AFG3L2: variants seen among roughly 807,000 people sequenced by gnomAD.
The protein encoded by AFG3L2 is mitochondrial inner membrane m-AAA protease component AFG3L2.
In AFG3L2, 54 loss-of-function variants were observed where a neutral mutation model predicts 94.5. That is an observed-to-expected ratio of 0.57 (90% CI 0.46 to 0.72). AFG3L2 has a LOEUF of 0.72. Ranked by LOEUF, AFG3L2 falls within the 30% of genes least tolerant of loss-of-function variation. AFG3L2 has a pLI of 0.00. For missense variants in AFG3L2, 754 were observed against 994.9 expected (o/e 0.76, Z 3.26); for synonymous variants, 377 against 365.5 (o/e 1.03, Z -0.36).
intron 10 of AFG3L2, among the ~76,000 whole-genome samples, chr18:12,352,272 G>A (rs543520309): frequency 6.6e-6 from 1 of 152,310 alleles, no homozygotes; most frequent in East Asian, 1.9e-4. Flanking sequence ...CGCAACAGGG[G>A]CTGACCATCG....
At position 12,377,221 on chromosome 18, in the gene AFG3L2, A is replaced by G. The variant is rs542643055; in HGVS notation, c.-139T>C. The G allele has an allele frequency of 2.3e-4, 154 of 675,012 alleles. 2 individuals carry two copies. Among genetic ancestry groups the G allele is most frequent in the Non-Finnish European group, 3.3e-4 (135 of 408,918 alleles). 41.8% of individuals were successfully genotyped at this position (675,012 alleles called of 1,614,324 possible). ...CGCCGGCGGCTCACGGAGGAGCCCA[A>G]GCTCTCAACGCGGCGTCTCCTGCCG... On this transcript the variant is annotated 5_prime_UTR_variant, in exon 1 of 17. Coordinates refer to ENST00000269143, the MANE Select transcript of AFG3L2 (RefSeq NM_006796.3).
At chr18:12,368,401 T>C (rs1178709317) in intron 3 of AFG3L2, among the ~76,000 whole-genome samples, 1 of 152,040 alleles carries the variant, frequency 6.6e-6, no homozygotes, top group Admixed American at 6.6e-5. Context: ...AAGTACTCCC[T>C]TTCCCACTCC....
intron 3 of AFG3L2, among the ~76,000 whole-genome samples, chr18:12,367,819 A>G (rs1031401850): frequency 6.6e-6 from 1 of 152,168 alleles, no homozygotes; most frequent in Non-Finnish European, 1.5e-5. Context: ...CGGGGGGCCA[A>G]AGCAGGAGAA....
rs189191107 is a variant in AFG3L2, at chr18:12,362,113, C to G, written c.627+1669G>C. Among the ~76,000 whole-genome samples, 423 of 152,342 alleles carry G rather than the reference C, an allele frequency of 2.8e-3. 1 individual carries two copies. Among genetic ancestry groups the G allele is most frequent in the African/African-American group, 9.8e-3 (409 of 41,572 alleles). On this transcript the variant is annotated intron_variant, in intron 6 of 16. Transcript: ENST00000269143. ...AATAGCTTTCTAGACAATTTTTATG[C>G]ACACTAAAATTTGAAAACCACGACT... is the stretch of plus-strand genomic sequence containing the variant.
At chr18:12,340,143 C>T in intron 15 of AFG3L2, 58 bp downstream of exon 15, 4 of 1,488,082 alleles carry the variant, frequency 2.7e-6, no homozygotes, top group Non-Finnish European at 3.7e-6. Flanking sequence ...CATAGAATGT[C>T]AATTTCTCGT....
chr18:12,356,782 T>C lies in AFG3L2; in HGVS notation c.1076A>G (p.Lys359Arg). 1 of 1,614,224 alleles carries C rather than the reference T, an allele frequency of 6.2e-7. No homozygotes were observed. Among genetic ancestry groups the C allele is most frequent in the South Asian group, 1.1e-5 (1 of 91,086 alleles). ...PPGTGKTLLA[K>R]ATAGEANVPF... Reference sequence around the variant, plus strand: ...GACATTGGCTTCTCCGGCTGTGGCCTTAGCTAGCAGCGTCTTCCCAGTGCC... The same window carrying C: ...GACATTGGCTTCTCCGGCTGTGGCCCTAGCTAGCAGCGTCTTCCCAGTGCC... The change falls in exon 9 of 17, where the codon AAG becomes AGG. Residue 359 changes from lysine to arginine, a missense_variant. Transcript: ENST00000269143.
At chr18:12,372,054 C>A (rs1285313185) in intron 1 of AFG3L2, among the ~76,000 whole-genome samples, 1 of 152,146 alleles carries the variant, frequency 6.6e-6, no homozygotes, top group East Asian at 1.9e-4. Context: ...ACCTGTAATC[C>A]CAGTACATTG....
chr18:12,347,054 G>C (rs1180606946), intron 13 of AFG3L2, among the ~76,000 whole-genome samples: 3 of 151,848 alleles, frequency 2.0e-5, no homozygotes, highest in Non-Finnish European at 2.9e-5. Flanking sequence ...TTGAACCCTG[G>C]AGGTGGAGGT....
chr18:12,363,910 C>T (rs1908732907), intron 5 of AFG3L2, 54 bp from the exon 6 acceptor site: 1 of 1,285,476 alleles, frequency 7.8e-7, no homozygotes, highest in Non-Finnish European at 1.1e-6. Context: ...ACTTGAGATA[C>T]TCTTTTAAGC....
At chr18:12,357,552 C>T (rs752118086) in intron 8 of AFG3L2, among the ~76,000 whole-genome samples, 9 of 151,994 alleles carry the variant, frequency 5.9e-5, no homozygotes, top group Non-Finnish European at 1.0e-4. Context: ...AGAAATCTAA[C>T]GACCAATGAT....
intron 7 of AFG3L2, 89 bp downstream of exon 7, chr18:12,359,838 A>C: frequency 6.5e-7 from 1 of 1,542,954 alleles, no homozygotes; most frequent in South Asian, 1.1e-5. Flanking sequence ...GTTTGAGAAT[A>C]TAATGTATAG....
Position 12,367,356 on chromosome 18 carries a change from A to C in AFG3L2, c.319T>G (p.Ser107Ala). 1.2e-6 allele frequency: 2 copies of C among 1,614,208 alleles called. No individual in the cohort carries two copies. The highest frequency in any genetic ancestry group is 1.7e-6 in the Non-Finnish European group (2 of 1,180,050). ...CCGCCACCACCTCCTCCTCCAGAAG[A>C]GCGTGTGGTAGCAGCTGGCTTTGAT... ...KESKPAATTR[S>A]SGGGGGGGGK... The change falls in exon 4 of 17, where the codon TCT becomes GCT. Residue 107 changes from serine (S) to alanine (A), a missense_variant. Coordinates refer to ENST00000269143, the MANE Select transcript of AFG3L2 (RefSeq NM_006796.3).
chr18:12,330,322 T>C (rs1907479952), intron 16 of AFG3L2, among the ~76,000 whole-genome samples: 2 of 123,938 alleles, frequency 1.6e-5, no homozygotes, highest in African/African-American at 2.7e-5. Context: ...CGAGACTCCT[T>C]CTCAAAACAA....
At chr18:12,340,442 G>A (rs1419121989) in intron 14 of AFG3L2, 41 bp from the exon 15 acceptor site, 2 of 1,469,850 alleles carry the variant, frequency 1.4e-6, no homozygotes, top group South Asian at 1.1e-5. Flanking sequence ...TACTACAGAT[G>A]AAGACTTGAT....
chr18:12,329,225 A>G lies in AFG3L2; in HGVS notation c.*340T>C, dbSNP rs1371451884. On this transcript the variant is annotated 3_prime_UTR_variant, in exon 17 of 17. Coordinates refer to ENST00000269143, the MANE Select transcript of AFG3L2 (RefSeq NM_006796.3). ...AGAAAGCATCCCTTCCCACACGCCA[A>G]GAGTCCAGTGCAACGATCCCTGCCA... The G allele has an allele frequency of 3.3e-5, 23 of 702,800 alleles. No individual in the cohort carries two copies. In the East Asian group the frequency reaches 5.6e-4, roughly 17 times the overall value. The allele number at this position is 702,800 out of a possible 1,614,324, so 43.5% of individuals were successfully genotyped here.
chr18:12,345,243 G>A (rs750803851), intron 13 of AFG3L2, among the ~76,000 whole-genome samples: 7 of 152,226 alleles, frequency 4.6e-5, no homozygotes, highest in African/African-American at 9.6e-5. Context: ...TGCAGCCTGC[G>A]TCCACCACAG....
At chr18:12,363,269 C>T (rs1908713800) in intron 6 of AFG3L2, among the ~76,000 whole-genome samples, 1 of 152,104 alleles carries the variant, frequency 6.6e-6, no homozygotes, top group South Asian at 2.1e-4. Context: ...TCAGCTTGCT[C>T]TGGGGTCTCT....
chr18:12,367,789 T>C (rs1908852399), intron 3 of AFG3L2, among the ~76,000 whole-genome samples: 2 of 152,182 alleles, frequency 1.3e-5, no homozygotes, highest in African/African-American at 4.8e-5. Flanking sequence ...CGGTGGCTCA[T>C]GCCTGTAATA....
intron 1 of AFG3L2, 147 bp downstream of exon 1, chr18:12,376,822 G>C (rs566497552): frequency 1.3e-5 from 7 of 536,636 alleles, no homozygotes; most frequent in African/African-American, 1.0e-4. Flanking sequence ...GGCCGGCTGA[G>C]AGACAGCGCA....
Sources: allele counts gnomAD v4.1 joint callset (sites outside exome capture counted in the v4.1 genomes callset), GRCh38; gene constraint gnomAD v4.1.1; transcripts MANE v1.5; gene names NCBI Gene and HGNC (gene_info 2026-07-23, HGNC 2026-07-21).